OPA3: variants seen among roughly 807,000 people sequenced by gnomAD.
The protein encoded by OPA3 is optic atrophy 3 protein.
Under a neutral mutation model 4.0 loss-of-function variants are expected in OPA3, and 6 were observed. That is an observed-to-expected ratio of 1.51 (90% confidence interval 0.83 to 2.99). The LOEUF is 2.99. Among genes scored for constraint, OPA3 ranks in the 30% most tolerant of loss-of-function variants. The pLI, the probability that OPA3 is intolerant of heterozygous loss-of-function variation, is 0.00. For missense variants in OPA3, 235 were observed against 256.2 expected (o/e 0.92, Z 0.56); for synonymous variants, 105 against 117.1 (o/e 0.90, Z 0.67).
rs1261752420 is a variant in OPA3, at chr19:45,553,645, G to C, written c.409C>G (p.Gln137Glu). The C allele has an allele frequency of 6.2e-7, 1 of 1,605,740 alleles. No homozygotes were observed. Among genetic ancestry groups the C allele is most frequent in the Non-Finnish European group, 8.5e-7 (1 of 1,178,404 alleles). The change falls in exon 2 of 2, where the codon CAG becomes GAG. Residue 137 changes from glutamine to glutamate, a missense_variant. Transcript: ENST00000263275. ...GHLALALEALQAQVQAAPPQG... is the reference protein window; with the variant it reads ...GHLALALEALEAQVQAAPPQG... ...GGCGGCGCCGCCTGCACCTGCGCCTGCAGCGCTTCCAGCGCCAGCGCCAGG... is the reference window on the plus strand; with the variant it reads ...GGCGGCGCCGCCTGCACCTGCGCCTCCAGCGCTTCCAGCGCCAGCGCCAGG...
chr19:45,557,995 T>C (rs558162534), intron 1 of OPA3, among the ~76,000 whole-genome samples: 93 of 152,220 alleles, frequency 6.1e-4, no homozygotes, highest in Non-Finnish European at 7.9e-4. Context: ...CTCACCCCTC[T>C]GCAATTGTCC....
At chr19:45,561,517 G>C (rs936182610) in intron 1 of OPA3, among the ~76,000 whole-genome samples, 1 of 152,150 alleles carries the variant, frequency 6.6e-6, no homozygotes, top group African/African-American at 2.4e-5. Flanking sequence ...TGGCAAGACG[G>C]CCATGACGAA....
chr19:45,578,576 C>T (rs993642022), intron 1 of OPA3, among the ~76,000 whole-genome samples: 2 of 152,174 alleles, frequency 1.3e-5, no homozygotes, highest in Non-Finnish European at 2.9e-5. Context: ...GCCTGTAATC[C>T]CAGCACTTTG....
At chr19:45,554,319 G>A (rs112536125) in intron 1 of OPA3, among the ~76,000 whole-genome samples, 2,720 of 152,326 alleles carry the variant, frequency 0.018, 31 homozygotes, top group Non-Finnish European at 0.027. Context: ...ACAGATGGGG[G>A]AGAGGGGGGC....
chr19:45,540,620 C>T (rs1222979809), intron 1 of OPA3, among the ~76,000 whole-genome samples: 1 of 149,858 alleles, frequency 6.7e-6, no homozygotes, highest in Non-Finnish European at 1.5e-5. Context: ...AATCCCAGCA[C>T]TTTGGGAGGC....
In OPA3 at chr19:45,549,124, G is replaced by GA. The variant is rs543378137; in HGVS notation, c.*4389dup. The GA allele has an allele frequency of 1.6e-5, 16 of 985,052 alleles. No individual in the cohort carries two copies. In the Admixed American group the frequency reaches 7.4e-4, roughly 46 times the overall value. 61.0% of individuals were successfully genotyped at this position (985,052 alleles called of 1,614,324 possible). On this transcript the variant is annotated 3_prime_UTR_variant, in exon 2 of 2. Transcript: ENST00000263275. ...CCAGTCCCAAGGACTTTTTAAATAT[G>GA]AAAAAAGAATGCATCAACTTGAAGA...
At chr19:45,584,517 C>A (rs1969902994) in intron 1 of OPA3, 106 bp downstream of exon 1, 27 of 1,597,400 alleles carry the variant, frequency 1.7e-5, no homozygotes, top group Non-Finnish European at 2.2e-5. Context: ...TGGACTTTGC[C>A]GGTTCGGGCT....
rs746977962 is a variant in OPA3, at chr19:45,553,806, A to T, written c.248T>A (p.Leu83Gln). 1 of 1,613,366 alleles carries T rather than the reference A, an allele frequency of 6.2e-7. No individual in the cohort carries two copies. The highest frequency in any genetic ancestry group is 8.5e-7 in the Non-Finnish European group (1 of 1,179,790). Reference protein sequence around the residue: ...EEAAAELGAELLGEATIFIVG... With the variant: ...EEAAAELGAEQLGEATIFIVG... Reference sequence around the variant, plus strand: ...GATGAAGATGGTGGCTTCGCCCAGCAGCTCTGCGCCCAGCTCAGCTGCCGC... The same window carrying T: ...GATGAAGATGGTGGCTTCGCCCAGCTGCTCTGCGCCCAGCTCAGCTGCCGC... Residue 83 changes from leucine to glutamine, a missense_variant, in exon 2 of 2, where the codon CTG becomes CAG. Physicochemically the swap from Leu to Gln is moderately radical, Grantham distance 113 (BLOSUM62 -2). Coordinates refer to ENST00000263275, the MANE Select transcript of OPA3 (RefSeq NM_025136.4).
chr19:45,581,267 G>A (rs1462917742), intron 1 of OPA3, among the ~76,000 whole-genome samples: 2 of 152,062 alleles, frequency 1.3e-5, no homozygotes, highest in African/African-American at 2.4e-5. Flanking sequence ...CAAGAATTCC[G>A]GGCCCTGGAA....
downstream of OPA3, among the ~76,000 whole-genome samples, chr19:45,541,622 T>C (rs763298856): frequency 1.3e-5 from 2 of 152,168 alleles, no homozygotes; most frequent in Non-Finnish European, 2.9e-5. Flanking sequence ...TGGAGTGCAG[T>C]GGTGCAATGA....
chr19:45,551,991 A>AG lies in OPA3; in HGVS notation c.*1522dup, dbSNP rs896979730. 6.1e-6 allele frequency: 6 copies of AG among 985,438 alleles called. No individual in the cohort carries two copies. Among genetic ancestry groups the AG allele is most frequent in the Admixed American group, 1.2e-4 (2 of 16,258 alleles). The allele number at this position is 985,438 out of a possible 1,614,324, so 61.0% of individuals were successfully genotyped here. ...CCAGGGACTCTGAGGACAGGAAAAT[A>AG]GGGGGCTGAGGCTGAAGGACAGGCT... On this transcript the variant is annotated 3_prime_UTR_variant, in exon 2 of 2. Transcript: ENST00000263275.
At chr19:45,567,470 T>G (rs1183077329) in intron 1 of OPA3, among the ~76,000 whole-genome samples, 1 of 151,932 alleles carries the variant, frequency 6.6e-6, no homozygotes, top group Non-Finnish European at 1.5e-5. Context: ...TATATCAAGT[T>G]GAACAACAAG....
At chr19:45,567,403 T>G (rs940560868) in intron 1 of OPA3, among the ~76,000 whole-genome samples, 1 of 148,670 alleles carries the variant, frequency 6.7e-6, no homozygotes, top group Non-Finnish European at 1.5e-5. Flanking sequence ...AAGAAGTATC[T>G]CAGAAGTATC....
At chr19:45,570,437 C>T (rs1377301528) in intron 1 of OPA3, among the ~76,000 whole-genome samples, 1 of 152,126 alleles carries the variant, frequency 6.6e-6, no homozygotes, top group Admixed American at 6.6e-5. Context: ...AATCCCAGCA[C>T]TTTGGGAGAC....
rs3826861 is a variant in OPA3, at chr19:45,553,362, C to T, written c.*152G>A. The stretch of plus-strand genomic sequence containing the variant: ...ACCTGCTGGTCCCAGTGGCAGGTAA[C>T]GGCTGCTCTTATCAGCAGGGGTAAC... On this transcript the variant is annotated 3_prime_UTR_variant, in exon 2 of 2. Transcript: ENST00000263275. 986,418 of 1,533,534 alleles carry T rather than the reference C, an allele frequency of 0.64. 319,765 individuals are homozygous for T. Among genetic ancestry groups the T allele is most frequent in the East Asian group, 0.82 (34,893 of 42,632 alleles). The allele number at this position is 1,533,534 out of a possible 1,614,324, so 95.0% of individuals were successfully genotyped here. A position where few individuals can be genotyped will look rare whatever the true frequency, so the allele number is the denominator to read the frequency against.
At chr19:45,576,393 G>A (rs959467617) in intron 1 of OPA3, among the ~76,000 whole-genome samples, 1 of 151,388 alleles carries the variant, frequency 6.6e-6, no homozygotes, top group Admixed American at 6.6e-5. Flanking sequence ...TTAGCCAGGT[G>A]TGGTGGTGGG....
intron 1 of OPA3, among the ~76,000 whole-genome samples, chr19:45,562,471 A>G (rs912914893): frequency 8.6e-5 from 13 of 151,516 alleles, no homozygotes; most frequent in Non-Finnish European, 1.8e-4. Flanking sequence ...CAGGTGGATC[A>G]TGAGGTCAGG....
At chr19:45,532,994 C>T (rs991611226) in intron 1 of OPA3, among the ~76,000 whole-genome samples, 1 of 151,998 alleles carries the variant, frequency 6.6e-6, no homozygotes. Flanking sequence ...CAGGCTCAAG[C>T]GATTCTCCTG....
At chr19:45,542,665 G>T (rs1007251859), downstream of OPA3, among the ~76,000 whole-genome samples, 158 of 103,318 alleles carry the variant, frequency 1.5e-3, 1 homozygote, top group African/African-American at 5.1e-3. Flanking sequence ...CTGTTTTTTT[G>T]TTTTTTTTTT....
Sources: allele counts gnomAD v4.1 joint callset (sites outside exome capture counted in the v4.1 genomes callset), GRCh38; gene constraint gnomAD v4.1.1; transcripts MANE v1.5; gene names NCBI Gene and HGNC (gene_info 2026-07-23, HGNC 2026-07-21).